The following SCAF11 variants were observed in gnomAD, a reference collection of about 807,000 sequenced individuals.
SCAF11 encodes the protein SR-related CTD associated factor 11.
Under a neutral mutation model 140.5 loss-of-function variants are expected in SCAF11, and 47 were observed. That is an observed-to-expected ratio of 0.33 (90% CI 0.26 to 0.43). The LOEUF (loss-of-function observed/expected upper bound fraction) is 0.43, where lower values mean the gene tolerates loss of function less well. Ranked by LOEUF, SCAF11 falls within the 20% of genes least tolerant of loss-of-function variation. The pLI, the probability that SCAF11 is intolerant of heterozygous loss-of-function variation, is 1.00. For synonymous variants in SCAF11, 557 were observed against 579.4 expected, an observed-to-expected ratio of 0.96 and a Z score of 0.55; for missense variants, 1,645 against 1,705.1, an observed-to-expected ratio of 0.96 and a Z score of 0.62.
chr12:45,989,390 G>A (rs1358847026), intron 1 of SCAF11, among the ~76,000 whole-genome samples: 1 of 152,222 alleles, frequency 6.6e-6, no homozygotes, highest in Non-Finnish European at 1.5e-5. Context: ...TCTTAGGTCA[G>A]TGGTAGCATG....
intron 1 of SCAF11, among the ~76,000 whole-genome samples, chr12:45,983,744 C>CACAA (rs1277501893): frequency 4.0e-5 from 5 of 126,130 alleles, no homozygotes; most frequent in Non-Finnish European, 7.9e-5. Context: ...AAACCTAAAA[C>CACAA]ACACACACAC....
chr12:45,927,634 G>C lies in SCAF11; in HGVS notation c.2067C>G (p.Thr689=), dbSNP rs11574971. ...GCAACTCTGTAGATCTAGGATGTTC[G>C]GTCAGCGATTCATTCTTTTCTTCTA... ...KSLEEKNESL[T]EHPRSTELPK... The change falls in exon 11 of 15, where the codon ACC becomes ACG. Residue 689 remains threonine (T), a synonymous_variant. Coordinates refer to ENST00000369367, the MANE Select transcript of SCAF11 (RefSeq NM_004719.3). 2 of 1,611,958 alleles carry C rather than the reference G, an allele frequency of 1.2e-6. No individual in the cohort carries two copies. Among genetic ancestry groups the C allele is most frequent in the Non-Finnish European group, 1.7e-6 (2 of 1,179,932 alleles).
At position 45,927,698 on chromosome 12, in the gene SCAF11, A is replaced by G. The variant is rs148320367; in HGVS notation, c.2003T>C (p.Leu668Pro). Residue 668 changes from leucine to proline, a missense_variant, in exon 11 of 15, where the codon CTA becomes CCA. By Grantham distance (98) the Leu-to-Pro change is moderately conservative. Around this residue, in one of 2 missense-constraint regions of SCAF11, gnomAD observed 1,582 missense variants for 1,609.2 expected, o/e 0.98. Transcript: ENST00000369367. ...NNIQDSENNL[L>P]KNNLLNTKLE... ...TTTGGTGTTCAGAAGATTATTTTTT[A>G]GTAAGTTATTTTCAGAGTCTTGAAT... The G allele has an allele frequency of 1.9e-4, 308 of 1,611,986 alleles. No homozygotes were observed. The African/African-American group carries it at 3.6e-3, about 19-fold the overall frequency.
Position 45,926,791 on chromosome 12 carries a change from C to T in SCAF11, c.2910G>A (p.Trp970Ter). 6.2e-7 allele frequency: 1 copy of T among 1,614,102 alleles called. No homozygotes were observed. The highest frequency in any genetic ancestry group is 8.5e-7 in the Non-Finnish European group (1 of 1,180,014). The change falls in exon 11 of 15, where the codon TGG (tryptophan) becomes TGA (stop). Residue 970 changes from tryptophan (W) to a stop codon, truncating the protein, a stop_gained. Coordinates refer to ENST00000369367, the MANE Select transcript of SCAF11 (RefSeq NM_004719.3). LOFTEE classifies it high-confidence loss of function. ...GTGGACATCTCCAACCATCATTTGC[C>T]CATCTTCCCTTCCACCGGGGAGAGT... Reference protein sequence around the residue: ...DSYSPRWKGRWANDGWRCPRG... With the variant: ...DSYSPRWKGR
At chr12:45,959,588 T>C (rs1023387749) in intron 3 of SCAF11, among the ~76,000 whole-genome samples, 2 of 152,142 alleles carry the variant, frequency 1.3e-5, no homozygotes, top group Non-Finnish European at 2.9e-5. Flanking sequence ...GAGCTTAATT[T>C]ATAATGATGA....
intron 9 of SCAF11, 85 bp downstream of exon 9, chr12:45,933,046 A>G: frequency 1.2e-6 from 1 of 862,576 alleles, no homozygotes; most frequent in East Asian, 2.5e-5. Flanking sequence ...TAACAATTGA[A>G]TAAGGTACCC....
At position 45,924,811 on chromosome 12, in the gene SCAF11, C is replaced by T; in HGVS notation, c.3823G>A (p.Gly1275Arg). The T allele has an allele frequency of 6.2e-7, 1 of 1,613,616 alleles. No individual in the cohort carries two copies. Among genetic ancestry groups the T allele is most frequent in the Non-Finnish European group, 8.5e-7 (1 of 1,179,908 alleles). The change falls in exon 12 of 15, where the codon GGA becomes AGA. Residue 1275 changes from glycine to arginine, a missense_variant. Transcript: ENST00000369367. Reference protein sequence around the residue: ...QVATPTSVSQGLPPPPPPPPP... With the variant: ...QVATPTSVSQRLPPPPPPPPP... Reference sequence around the variant, plus strand: ...GGAGGGGGTGGTGGTGGTGGTAGTCCCTGAGATACACTGGTAGGAGTGGCT... The same window carrying T: ...GGAGGGGGTGGTGGTGGTGGTAGTCTCTGAGATACACTGGTAGGAGTGGCT...
chr12:45,961,313 T>C (rs1398160261), intron 3 of SCAF11: 3 of 715,694 alleles, frequency 4.2e-6, no homozygotes, highest in East Asian at 2.7e-5. Flanking sequence ...ATAACCTATG[T>C]GAAAAGTCCC....
rs558349787 is a variant in SCAF11 at position 45,922,874 on chromosome 12, T to G, written c.4125+62A>C. 634 of 1,445,042 alleles carry G rather than the reference T, an allele frequency of 4.4e-4. 3 individuals carry two copies. Among genetic ancestry groups the G allele is most frequent in the Non-Finnish European group, 3.8e-5 (39 of 1,029,640 alleles). The allele number at this position is 1,445,042 out of a possible 1,614,324, so 89.5% of individuals were successfully genotyped here. A position where few individuals can be genotyped will look rare whatever the true frequency, so the allele number is the denominator to read the frequency against. The stretch of plus-strand genomic sequence containing the variant: ...CTTCACCACTCATACAATAAAAAGC[T>G]GATATTTTTTCTCCTTTATCATATA... On this transcript the variant is annotated intron_variant, in intron 13 of 14. Transcript: ENST00000369367.
At chr12:45,932,105 C>T (rs1039183712) in intron 9 of SCAF11, among the ~76,000 whole-genome samples, 1 of 152,006 alleles carries the variant, frequency 6.6e-6, no homozygotes, top group African/African-American at 2.4e-5. Flanking sequence ...TTTCTGCCCC[C>T]CTAGAAAGTG....
chr12:45,937,522 G>A (rs1296870918), intron 6 of SCAF11, among the ~76,000 whole-genome samples: 2 of 152,114 alleles, frequency 1.3e-5, no homozygotes, highest in African/African-American at 4.8e-5. Flanking sequence ...CTAAAATATT[G>A]ATTGAAAATG....
At chr12:45,945,536 CT>C (rs36058160) in intron 5 of SCAF11, among the ~76,000 whole-genome samples, 12,524 of 122,020 alleles carry the variant, frequency 0.1, 1,643 homozygotes, top group African/African-American at 0.35. Context: ...TTATCTCAGT[CT>C]TTTTTTTTTT....
At chr12:45,968,064 T>C (rs1453001943) in intron 1 of SCAF11, among the ~76,000 whole-genome samples, 4 of 152,224 alleles carry the variant, frequency 2.6e-5, no homozygotes, top group Non-Finnish European at 5.9e-5. Flanking sequence ...TGTAGTTACC[T>C]GAAAAGTTAG....
chr12:45,965,648 T>TG (rs1245897774), intron 1 of SCAF11, among the ~76,000 whole-genome samples: 5 of 152,216 alleles, frequency 3.3e-5, no homozygotes, highest in African/African-American at 9.7e-5. Context: ...CCTGAACTGA[T>TG]GCAAGACATA....
intron 1 of SCAF11, among the ~76,000 whole-genome samples, chr12:45,978,309 C>T (rs1946279445): frequency 6.6e-6 from 1 of 152,162 alleles, no homozygotes; most frequent in African/African-American, 2.4e-5. Flanking sequence ...TCAAGATTCT[C>T]ATCCCCATTT....
intron 10 of SCAF11, 23 bp from the exon 11 acceptor site, chr12:45,928,882 A>C: frequency 7.4e-7 from 1 of 1,347,982 alleles, no homozygotes; most frequent in Non-Finnish European, 9.7e-7. Flanking sequence ...AAAAAAAAAA[A>C]AAAAGTAAAA....
At chr12:45,968,463 T>C (rs920656378) in intron 1 of SCAF11, among the ~76,000 whole-genome samples, 4 of 152,236 alleles carry the variant, frequency 2.6e-5, no homozygotes, top group African/African-American at 9.6e-5. Context: ...CATATAATAA[T>C]TGGGGAAGAA....
chr12:45,957,903 T>C (rs192513491), intron 3 of SCAF11, among the ~76,000 whole-genome samples: 472 of 151,862 alleles, frequency 3.1e-3, no homozygotes, highest in Non-Finnish European at 5.0e-3. Context: ...ACTTTCTCTC[T>C]TTTTTTTGAG....
chr12:45,990,079 A>G (rs1278780739), intron 1 of SCAF11, among the ~76,000 whole-genome samples: 1 of 151,896 alleles, frequency 6.6e-6, no homozygotes, highest in Non-Finnish European at 1.5e-5. Context: ...AGAGTGCGAC[A>G]GAGAGGCGGC....
Sources: gnomAD v4.1 joint callset for allele counts (sites outside exome capture counted in the v4.1 genomes callset) on GRCh38, gnomAD v4.1.1 for gene constraint, gnomAD v4.1.1 regional missense constraint, MANE v1.5 for transcripts, NCBI Gene and HGNC (gene_info 2026-07-23, HGNC 2026-07-21) for gene names.